TEK: variants seen among roughly 807,000 people sequenced by gnomAD.
TEK encodes the protein TEK receptor tyrosine kinase.
A neutral mutation model predicts 131.8 loss-of-function variants in TEK; 43 were observed. The ratio of observed to expected loss-of-function variants is 0.33; its 90% CI spans 0.26 to 0.42. The LOEUF is 0.42. TEK is among the 10% of genes least tolerant of loss of function. The probability of loss-of-function intolerance (pLI) is 1.00; values close to 1 mark genes in which losing one functional copy is unlikely to be tolerated. For synonymous variants in TEK, 580 were observed against 491.6 expected (o/e 1.18, Z -2.38); for missense variants, 1,162 against 1,384.4 (o/e 0.84, Z 2.55).
intron 6 of TEK, among the ~76,000 whole-genome samples, chr9:27,175,365 AT>A (rs1824125903): frequency 6.7e-6 from 1 of 149,088 alleles, no homozygotes; most frequent in Non-Finnish European, 1.5e-5. Context: ...TATGTGCCAC[AT>A]TTTCTTAATC....
At chr9:27,158,222 G>A in intron 2 of TEK, 80 bp downstream of exon 2, 3 of 1,534,218 alleles carry the variant, frequency 2.0e-6, no homozygotes, top group Non-Finnish European at 2.7e-6. Flanking sequence ...TGCTCCCTCA[G>A]GGGCAGGGCA....
In TEK at chr9:27,229,143, T is replaced by C. The variant is rs2273715; in HGVS notation, c.3301-15T>C. 0.16 allele frequency: 263,676 copies of C among 1,612,466 alleles called. 23,544 individuals carry two copies. Among genetic ancestry groups the C allele is most frequent in the African/African-American group, 0.34 (25,547 of 74,926 alleles). On this transcript the variant is annotated splice_polypyrimidine_tract_variant and intron_variant, in intron 22 of 22. Coordinates refer to ENST00000380036, the MANE Select transcript of TEK (RefSeq NM_000459.5). ...CAAAGCAGCCTATGTCTCTGAACCA[T>C]TTTCATTCTTCCAGACCTACGTGAA... is the stretch of plus-strand genomic sequence containing the variant.
intron 1 of TEK, among the ~76,000 whole-genome samples, chr9:27,147,926 G>T (rs1232308546): frequency 6.6e-6 from 1 of 152,180 alleles, no homozygotes; most frequent in Admixed American, 6.5e-5. Context: ...CTAAATTTCA[G>T]TCTCAGCTCT....
At chr9:27,123,360 G>A (rs1186100828) in intron 1 of TEK, among the ~76,000 whole-genome samples, 1 of 152,158 alleles carries the variant, frequency 6.6e-6, no homozygotes, top group African/African-American at 2.4e-5. Context: ...GGATATGCGG[G>A]GGTGTAAAGG....
intron 20 of TEK, among the ~76,000 whole-genome samples, chr9:27,219,477 G>T (rs1243576911): frequency 1.3e-5 from 2 of 152,122 alleles, no homozygotes; most frequent in Non-Finnish European, 2.9e-5. Flanking sequence ...TCACACACTA[G>T]GGCCTGTCAG....
intron 6 of TEK, among the ~76,000 whole-genome samples, chr9:27,177,617 G>A (rs539538782): frequency 6.6e-6 from 1 of 152,228 alleles, no homozygotes; most frequent in African/African-American, 2.4e-5. Context: ...AGGCACGGTG[G>A]TGCATGCCTT....
At chr9:27,182,580 A>T (rs1036758587) in intron 7 of TEK, among the ~76,000 whole-genome samples, 1 of 152,168 alleles carries the variant, frequency 6.6e-6, no homozygotes, top group South Asian at 2.1e-4. Context: ...CACCACCGAT[A>T]AGAAACAGTC....
chr9:27,219,372 T>G (rs1825956033), intron 20 of TEK, among the ~76,000 whole-genome samples: 1 of 152,072 alleles, frequency 6.6e-6, no homozygotes, highest in African/African-American at 2.4e-5. Context: ...TCATCCTCAG[T>G]AAACTAACAC....
rs574029213 is a variant in TEK, at chr9:27,129,947, T to C, written c.52+20305T>C. ...GGTAGGTTTAAGTATTGTTTTCTTA[T>C]ATATTTCACAGCAAAGTTTCATAAT... On this transcript the variant is annotated intron_variant, in intron 1 of 22. Coordinates refer to ENST00000380036, the MANE Select transcript of TEK (RefSeq NM_000459.5). Among the ~76,000 whole-genome samples the C allele has an allele frequency of 5.3e-5, 8 of 152,354 alleles. No homozygotes were observed. The South Asian group carries it at 1.7e-3, about 32-fold the overall frequency.
intron 2 of TEK, among the ~76,000 whole-genome samples, chr9:27,160,239 G>A (rs1229804754): frequency 6.6e-6 from 1 of 151,814 alleles, no homozygotes; most frequent in African/African-American, 2.4e-5. Flanking sequence ...TGCCTAGGCT[G>A]GTCTTGAACT....
intron 21 of TEK, among the ~76,000 whole-genome samples, chr9:27,222,604 A>G (rs923283400): frequency 6.6e-6 from 1 of 152,210 alleles, no homozygotes; most frequent in African/African-American, 2.4e-5. Context: ...TTTCGTATCC[A>G]ACCAAACTAA....
intron 6 of TEK, among the ~76,000 whole-genome samples, chr9:27,179,776 G>A (rs1237315670): frequency 6.6e-6 from 1 of 152,142 alleles, no homozygotes; most frequent in Non-Finnish European, 1.5e-5. Flanking sequence ...TCTCTCTCCA[G>A]TGGCTGTGGT....
At chr9:27,194,920 G>A (rs74505058) in intron 11 of TEK, among the ~76,000 whole-genome samples, 1 of 152,082 alleles carries the variant, frequency 6.6e-6, no homozygotes, top group Admixed American at 6.5e-5. Context: ...GTGCAGAAAG[G>A]GGCAGACAGG....
In TEK at chr9:27,197,507, A is replaced by G. The variant is rs376770384; in HGVS notation, c.1817A>G (p.His606Arg). Residue 606 changes from histidine to arginine, a missense_variant, in exon 12 of 23, where the codon CAT becomes CGT. This residue lies in a region of TEK where 477 missense variants were observed against 471.0 expected (regional missense o/e 1.01). Coordinates refer to ENST00000380036, the MANE Select transcript of TEK (RefSeq NM_000459.5). ...ACTTCGGTGCTACTTAACAACTTAC[A>G]TCCCAGGGAGCAGTACGTGGTCCGA... ...NLTSVLLNNL[H>R]PREQYVVRAR... 7 of 1,613,942 alleles carry G rather than the reference A, an allele frequency of 4.3e-6. No homozygotes were observed. The East Asian group carries it at 6.7e-5, about 15-fold the overall frequency.
intron 21 of TEK, among the ~76,000 whole-genome samples, chr9:27,220,692 G>A (rs923843021): frequency 6.6e-6 from 1 of 152,218 alleles, no homozygotes; most frequent in Non-Finnish European, 1.5e-5. Flanking sequence ...AAGGGGTTGG[G>A]GAACTCCCTT....
chr9:27,140,222 T>C (rs1042189746), intron 1 of TEK, among the ~76,000 whole-genome samples: 6 of 149,876 alleles, frequency 4.0e-5, no homozygotes, highest in Non-Finnish European at 7.4e-5. Flanking sequence ...TCACTTGCCC[T>C]TTCACTTCAT....
At chr9:27,221,228 C>G (rs1028848123) in intron 21 of TEK, among the ~76,000 whole-genome samples, 1 of 152,232 alleles carries the variant, frequency 6.6e-6, no homozygotes, top group Non-Finnish European at 1.5e-5. Flanking sequence ...TAGATTCTTT[C>G]TATCTGGGCA....
Position 27,183,626 on chromosome 9 carries a change from A to G in TEK, c.1182+16A>G. 6 of 1,613,646 alleles carry G rather than the reference A, an allele frequency of 3.7e-6. No individual in the cohort carries two copies. Among genetic ancestry groups the G allele is most frequent in the Non-Finnish European group, 5.1e-6 (6 of 1,179,696 alleles). Reference sequence around the variant, plus strand: ...AGTGCTCCATGTAAGAGCCATTCTTAATTTGCCCTTCTTAAAGCATGAGAT... The same window carrying G: ...AGTGCTCCATGTAAGAGCCATTCTTGATTTGCCCTTCTTAAAGCATGAGAT... On this transcript the variant is annotated intron_variant, in intron 8 of 22. Coordinates refer to ENST00000380036, the MANE Select transcript of TEK (RefSeq NM_000459.5).
At chr9:27,109,709 T>A in intron 1 of TEK, 67 bp downstream of exon 1, 1 of 1,504,800 alleles carries the variant, frequency 6.6e-7, no homozygotes, top group Non-Finnish European at 9.2e-7. Flanking sequence ...TTCTGGGTGC[T>A]CTCCCCAAAT....
Sources: allele counts gnomAD v4.1 joint callset (sites outside exome capture counted in the v4.1 genomes callset), GRCh38; gene constraint gnomAD v4.1.1; regional missense constraint gnomAD v4.1.1; transcripts MANE v1.5; gene names NCBI Gene and HGNC (gene_info 2026-07-23, HGNC 2026-07-21).